ANKRD12: variants seen among roughly 807,000 people sequenced by gnomAD.
ANKRD12 encodes ankyrin repeat domain-containing protein 12.
ANKRD12 carries 85 observed loss-of-function variants against 183.4 expected under a neutral mutation model. That is an observed-to-expected ratio of 0.46 (90% CI 0.39 to 0.56). The LOEUF (loss-of-function observed/expected upper bound fraction) is 0.56. ANKRD12 is among the 20% of genes least tolerant of loss of function. The pLI is 0.00. For synonymous variants in ANKRD12, 914 were observed against 800.2 expected, an observed-to-expected ratio of 1.14 and a Z score of -2.40; for missense variants, 2,405 against 2,357.1, an observed-to-expected ratio of 1.02 and a Z score of -0.42.
intron 6 of ANKRD12, among the ~76,000 whole-genome samples, chr18:9,214,585 G>C (rs984303476): frequency 4.6e-5 from 7 of 152,062 alleles, no homozygotes; most frequent in African/African-American, 1.7e-4. Flanking sequence ...TGTAAGCCTT[G>C]AATAATACCA....
Position 9,281,371 on chromosome 18 carries a change from C to T in ANKRD12, c.*245C>T. ...GGGAAAGGTAACTATTGCATTAGAGCATGTTGGCAGACTGGTAGGTATTTA... is the reference window on the plus strand; with the variant it reads ...GGGAAAGGTAACTATTGCATTAGAGTATGTTGGCAGACTGGTAGGTATTTA... On this transcript the variant is annotated 3_prime_UTR_variant, in exon 13 of 13. Coordinates refer to ENST00000262126, the MANE Select transcript of ANKRD12 (RefSeq NM_015208.5). 3.2e-6 allele frequency: 1 copy of T among 314,978 alleles called. No individual in the cohort carries two copies. The highest frequency in any genetic ancestry group is 5.7e-6 in the Non-Finnish European group (1 of 175,056). 19.5% of individuals were successfully genotyped at this position (314,978 alleles called of 1,614,324 possible).
chr18:9,257,379 C>G lies in ANKRD12; in HGVS notation c.4112C>G (p.Thr1371Ser). 6.2e-7 allele frequency: 1 copy of G among 1,614,122 alleles called. No individual in the cohort carries two copies. The highest frequency in any genetic ancestry group is 1.3e-5 in the African/African-American group (1 of 75,042). ...TCTAACATACATTCCAGTTTTGCAA[C>G]TTCTCCAACTGGAGCTTCAAACAGC... is the stretch of plus-strand genomic sequence containing the variant. ...NVSNIHSSFA[T>S]SPTGASNSKY... The change falls in exon 9 of 13, where the codon ACT becomes AGT. Residue 1371 changes from threonine (T) to serine (S), a missense_variant. Transcript: ENST00000262126.
At chr18:9,153,819 G>C (rs779366455) in intron 1 of ANKRD12, among the ~76,000 whole-genome samples, 1 of 150,770 alleles carries the variant, frequency 6.6e-6, no homozygotes, top group Non-Finnish European at 1.5e-5. Context: ...ATGTCTTCTG[G>C]GACTGTCTTC....
rs1186487708 is a variant in ANKRD12 at position 9,235,116 on chromosome 18, A to G, written c.943+13117A>G. Among the ~76,000 whole-genome samples, 4 of 130,722 alleles carry G rather than the reference A, an allele frequency of 3.1e-5. No individual in the cohort carries two copies. In the East Asian group the frequency reaches 6.3e-4, roughly 20 times the overall value. 85.8% of individuals were successfully genotyped at this position (130,722 alleles called of 152,430 possible). On this transcript the variant is annotated intron_variant, in intron 8 of 12. Coordinates refer to ENST00000262126, the MANE Select transcript of ANKRD12 (RefSeq NM_015208.5). ...GAGAGGGTGGGTGTCTGATATCTCT[A>G]TAGTCTGCCATCTTGTTTAATTCTT...
At chr18:9,268,916 C>T (rs548862109) in intron 10 of ANKRD12, among the ~76,000 whole-genome samples, 2 of 152,360 alleles carry the variant, frequency 1.3e-5, no homozygotes, top group East Asian at 3.9e-4. Flanking sequence ...TAACCAACTT[C>T]AGCAAAGTCT....
chr18:9,223,754 T>C (rs968126449), intron 8 of ANKRD12, among the ~76,000 whole-genome samples: 2 of 152,168 alleles, frequency 1.3e-5, no homozygotes, highest in Admixed American at 1.3e-4. Flanking sequence ...AACAGAATAC[T>C]GAATACTAGT....
Position 9,257,146 on chromosome 18 carries a change from T to A in ANKRD12, c.3879T>A (p.Asp1293Glu). 1 of 1,614,166 alleles carries A rather than the reference T, an allele frequency of 6.2e-7. No individual in the cohort carries two copies. The highest frequency in any genetic ancestry group is 1.1e-5 in the South Asian group (1 of 91,086). The change falls in exon 9 of 13, where the codon GAT becomes GAA. Residue 1293 changes from aspartate to glutamate, a missense_variant. Physicochemically the swap from Asp to Glu is conservative, Grantham distance 45 (BLOSUM62 2). This residue lies in a region of ANKRD12 where 1,983 missense variants were observed against 1,725.9 expected (regional missense o/e 1.15). Coordinates refer to ENST00000262126, the MANE Select transcript of ANKRD12 (RefSeq NM_015208.5). The part of the protein sequence containing the change: ...TSHLRSSSVE[D>E]VKLIISEGRP... ...ATCTTAGGTCATCTTCTGTAGAAGA[T>A]GTTAAACTAATTATAAGCGAGGGGA...
chr18:9,167,959 G>A (rs2032265755), intron 1 of ANKRD12, among the ~76,000 whole-genome samples: 1 of 152,154 alleles, frequency 6.6e-6, no homozygotes, highest in Non-Finnish European at 1.5e-5. Flanking sequence ...GGCCTTTTCT[G>A]CCTCTATTGA....
chr18:9,205,382 A>C (rs943909232), intron 4 of ANKRD12, among the ~76,000 whole-genome samples: 5 of 152,130 alleles, frequency 3.3e-5, no homozygotes, highest in South Asian at 4.1e-4. Flanking sequence ...ATTTAGTTAT[A>C]AAAACTAAAG....
intron 1 of ANKRD12, among the ~76,000 whole-genome samples, chr18:9,137,369 C>A (rs1299404096): frequency 2.0e-5 from 3 of 146,374 alleles, no homozygotes; most frequent in African/African-American, 7.3e-5. Flanking sequence ...CCGCGGCTGG[C>A]GGGGCTGGGC....
intron 1 of ANKRD12, among the ~76,000 whole-genome samples, chr18:9,144,855 A>G (rs1182521011): frequency 6.6e-6 from 1 of 152,052 alleles, no homozygotes; most frequent in Non-Finnish European, 1.5e-5. Flanking sequence ...TAATTTGCAT[A>G]TCATATTAAT....
chr18:9,175,537 T>TTTTTC (rs1174760504), intron 1 of ANKRD12, among the ~76,000 whole-genome samples: 3 of 131,612 alleles, frequency 2.3e-5, no homozygotes, highest in Non-Finnish European at 4.9e-5. Flanking sequence ...TTTTTTTTTT[T>TTTTTC]TTTTTTTTTT....
At chr18:9,141,635 T>A (rs1293347584) in intron 1 of ANKRD12, among the ~76,000 whole-genome samples, 1 of 152,230 alleles carries the variant, frequency 6.6e-6, no homozygotes, top group African/African-American at 2.4e-5. Flanking sequence ...CATTTCTTTT[T>A]CTTTGGCTTT....
chr18:9,244,771 G>GA (rs751405677), intron 8 of ANKRD12, among the ~76,000 whole-genome samples: 8 of 152,312 alleles, frequency 5.3e-5, no homozygotes, highest in Middle Eastern at 3.4e-3. Context: ...CATGCTTTCT[G>GA]AAATGACAGT....
chr18:9,279,748 T>G, intron 12 of ANKRD12, 104 bp downstream of exon 12: 1 of 636,332 alleles, frequency 1.6e-6, no homozygotes. Flanking sequence ...GGGGAAATAC[T>G]GGTTAGTCAT....
intron 1 of ANKRD12, among the ~76,000 whole-genome samples, chr18:9,144,000 C>T (rs1451547667): frequency 6.6e-6 from 1 of 152,162 alleles, no homozygotes; most frequent in African/African-American, 2.4e-5. Context: ...TACATAGATA[C>T]TTACATACCT....
intron 1 of ANKRD12, among the ~76,000 whole-genome samples, chr18:9,173,888 T>G (rs76411122): frequency 0.011 from 1,631 of 152,202 alleles, 35 homozygotes; most frequent in African/African-American, 0.038. Flanking sequence ...TATAAAAAAA[T>G]AATAAGAAGA....
rs868015245 is a variant in ANKRD12, at chr18:9,255,385, T to C, written c.2118T>C (p.Thr706=). 1.3e-6 allele frequency: 2 copies of C among 1,599,018 alleles called. No homozygotes were observed. The highest frequency in any genetic ancestry group is 1.7e-4 in the Middle Eastern group (1 of 5,982). The change falls in exon 9 of 13, where the codon ACT becomes ACC. Residue 706 remains threonine, a synonymous_variant. Transcript: ENST00000262126. The part of the protein sequence containing the change: ...WKENFFKSDE[T]EDLFLNMEHE... ...AGAATTTTTTTAAAAGTGATGAAAC[T>C]GAAGATCTCTTTTTAAATATGGAAC...
intron 8 of ANKRD12, among the ~76,000 whole-genome samples, chr18:9,224,402 C>G (rs543370628): frequency 3.3e-5 from 5 of 151,816 alleles, no homozygotes; most frequent in African/African-American, 1.2e-4. Flanking sequence ...GTAGAAACAG[C>G]TGCGGCTTTT....
Sources: allele counts gnomAD v4.1 joint callset (sites outside exome capture counted in the v4.1 genomes callset), GRCh38; gene constraint gnomAD v4.1.1; regional missense constraint gnomAD v4.1.1; transcripts MANE v1.5; gene names NCBI Gene and HGNC (gene_info 2026-07-23, HGNC 2026-07-21).